NRXN3: variants seen among roughly 807,000 people sequenced by gnomAD.
The protein encoded by NRXN3 is neurexin III.
Under a neutral mutation model 137.6 loss-of-function variants are expected in NRXN3, and 32 were observed. That is an observed-to-expected ratio of 0.23 (90% CI 0.18 to 0.31). The LOEUF is 0.31. Ranked by LOEUF, NRXN3 falls within the 10% of genes least tolerant of loss-of-function variation. NRXN3 has a pLI of 1.00. For missense variants in NRXN3, 1,574 were observed against 2,062.5 expected (o/e 0.76, Z 4.59); for synonymous variants, 798 against 784.5 (o/e 1.02, Z -0.29).
At chr14:79,196,393 A>G (rs2065131229) in intron 15 of NRXN3, among the ~76,000 whole-genome samples, 1 of 152,226 alleles carries the variant, frequency 6.6e-6, no homozygotes, top group Admixed American at 6.5e-5. Flanking sequence ...GGTGAAAGTT[A>G]TCACATGGCA....
At chr14:78,448,967 A>G (rs573792196) in intron 4 of NRXN3, among the ~76,000 whole-genome samples, 5 of 152,192 alleles carry the variant, frequency 3.3e-5, no homozygotes, top group Non-Finnish European at 7.4e-5. Context: ...ACCAACTCAA[A>G]TCATGCTCTC....
chr14:79,394,419 T>C (rs781591502), intron 15 of NRXN3, among the ~76,000 whole-genome samples: 2 of 152,204 alleles, frequency 1.3e-5, no homozygotes, highest in African/African-American at 4.8e-5. Context: ...GTCCTTAGAA[T>C]TGAAAGAACT....
At chr14:79,739,508 G>A (rs564197777) in intron 19 of NRXN3, among the ~76,000 whole-genome samples, 1 of 151,982 alleles carries the variant, frequency 6.6e-6, no homozygotes, top group East Asian at 1.9e-4. Flanking sequence ...GCCAGGCATG[G>A]TGGTGGGCAT....
intron 16 of NRXN3, among the ~76,000 whole-genome samples, chr14:79,534,431 G>A (rs2153724148): frequency 6.6e-6 from 1 of 152,268 alleles, no homozygotes; most frequent in Non-Finnish European, 1.5e-5. Flanking sequence ...CACAGTGTCT[G>A]GCCTAGAGGA....
intron 16 of NRXN3, among the ~76,000 whole-genome samples, chr14:79,660,874 T>C (rs1056319013): frequency 6.6e-6 from 1 of 152,128 alleles, no homozygotes; most frequent in African/African-American, 2.4e-5. Context: ...TCATGGTTTC[T>C]TAACTCCTCT....
chr14:79,610,039 T>C (rs2153864622), intron 16 of NRXN3, among the ~76,000 whole-genome samples: 1 of 152,236 alleles, frequency 6.6e-6, no homozygotes, highest in South Asian at 2.1e-4. Flanking sequence ...ATGGTACTTG[T>C]ATACCTAGGT....
At chr14:79,400,451 A>G (rs1016982575) in intron 15 of NRXN3, among the ~76,000 whole-genome samples, 5 of 152,104 alleles carry the variant, frequency 3.3e-5, no homozygotes, top group Non-Finnish European at 1.5e-5. Flanking sequence ...TTGCAGTATG[A>G]TTTTTTCCAT....
chr14:78,239,479 A>T (rs560804722), intron 1 of NRXN3, among the ~76,000 whole-genome samples: 6 of 152,242 alleles, frequency 3.9e-5, no homozygotes, highest in Non-Finnish European at 8.8e-5. Context: ...AAGGAATCAT[A>T]TTCTTAGAAA....
chr14:78,196,916 A>G (rs2061281738), intron 1 of NRXN3, among the ~76,000 whole-genome samples: 1 of 152,204 alleles, frequency 6.6e-6, no homozygotes, highest in African/African-American at 2.4e-5. Flanking sequence ...CAAGCTGGGA[A>G]TATAGGTTAG....
Position 78,878,983 on chromosome 14 carries a change from C to G in NRXN3, c.2275+68639C>G, listed in dbSNP as rs115309727. 3.9e-3 allele frequency among the ~76,000 whole-genome samples: 592 copies of G among 152,168 alleles called. 2 individuals are homozygous for G. Among genetic ancestry groups the G allele is most frequent in the African/African-American group, 0.013 (558 of 41,532 alleles). On this transcript the variant is annotated intron_variant, in intron 10 of 20. Transcript: ENST00000335750. ...GTCTTCCTGAGCATGGCTTATTTTA[C>G]TTAACATAATATCCTCAAGATTTGT...
At chr14:79,536,822 G>GTA (rs1480513012) in intron 16 of NRXN3, among the ~76,000 whole-genome samples, 1 of 152,010 alleles carries the variant, frequency 6.6e-6, no homozygotes, top group Non-Finnish European at 1.5e-5. Flanking sequence ...GTATTCCATG[G>GTA]TATCTATATA....
chr14:79,199,451 A>T (rs190605296), intron 15 of NRXN3, among the ~76,000 whole-genome samples: 1 of 152,340 alleles, frequency 6.6e-6, no homozygotes, highest in Admixed American at 6.5e-5. Context: ...ATTGAAGATG[A>T]GAAAAAACAA....
chr14:79,555,676 G>A (rs2097422280), intron 16 of NRXN3, among the ~76,000 whole-genome samples: 1 of 152,114 alleles, frequency 6.6e-6, no homozygotes, highest in African/African-American at 2.4e-5. Context: ...GTCAGATAAG[G>A]AGATGAAACA....
At chr14:78,350,817 C>T (rs2083383107) in intron 4 of NRXN3, among the ~76,000 whole-genome samples, 1 of 151,964 alleles carries the variant, frequency 6.6e-6, no homozygotes, top group Non-Finnish European at 1.5e-5. Flanking sequence ...AGTTTCTATA[C>T]AATGTGAGAG....
chr14:79,235,102 G>T (rs979066846), intron 15 of NRXN3, among the ~76,000 whole-genome samples: 8 of 152,002 alleles, frequency 5.3e-5, no homozygotes, highest in Non-Finnish European at 1.0e-4. Flanking sequence ...TCCCTTGTCT[G>T]CCAGTTCTGT....
intron 15 of NRXN3, among the ~76,000 whole-genome samples, chr14:79,063,254 G>A (rs1341266022): frequency 2.0e-5 from 3 of 152,086 alleles, no homozygotes; most frequent in Non-Finnish European, 4.4e-5. Flanking sequence ...AGGCAAGCAA[G>A]GAATTGACAG....
At chr14:78,747,524 C>T (rs1357442061) in intron 8 of NRXN3, among the ~76,000 whole-genome samples, 1 of 152,132 alleles carries the variant, frequency 6.6e-6, no homozygotes, top group Non-Finnish European at 1.5e-5. Context: ...AGCCCTGGTG[C>T]AAGAGTTTCT....
At chr14:78,194,138 GA>G (rs1242783654) in intron 1 of NRXN3, among the ~76,000 whole-genome samples, 3 of 152,198 alleles carry the variant, frequency 2.0e-5, no homozygotes, top group Non-Finnish European at 4.4e-5. Flanking sequence ...GCATGAAAAG[GA>G]TTTTCTAGAT....
Position 79,381,101 on chromosome 14 carries a change from T to C in NRXN3, c.3263-86120T>C, listed in dbSNP as rs546652751. ...GTCAACAGTGTGCTCCAAGGTTCTA[T>C]TAGGTGTTAACAGGTGTCTCAAGAA... On this transcript the variant is annotated intron_variant, in intron 15 of 20. Transcript: ENST00000335750. Among the ~76,000 whole-genome samples, 3 of 152,214 alleles carry C rather than the reference T, an allele frequency of 2.0e-5. No individual in the cohort carries two copies. In the East Asian group the frequency reaches 5.8e-4, roughly 29 times the overall value.
Sources: allele counts gnomAD v4.1 joint callset (sites outside exome capture counted in the v4.1 genomes callset), GRCh38; gene constraint gnomAD v4.1.1; transcripts MANE v1.5; gene names NCBI Gene and HGNC (gene_info 2026-07-23, HGNC 2026-07-21).